The following PSMG2 variants were observed in gnomAD, a reference collection of about 807,000 sequenced individuals.
PSMG2 encodes proteasome assembly chaperone 2, also known as CD40 ligand-activated specific transcript 3.
A neutral mutation model predicts 31.5 loss-of-function variants in PSMG2; 21 were observed. The ratio of observed to expected loss-of-function variants is 0.67; its 90% confidence interval spans 0.47 to 0.96. The LOEUF is 0.96. Ranked by LOEUF, PSMG2 falls within the 40% of genes least tolerant of loss-of-function variation. The probability of loss-of-function intolerance (pLI) is 0.00; values close to 1 mark genes in which losing one functional copy is unlikely to be tolerated. For missense variants in PSMG2, 318 were observed against 321.2 expected (o/e 0.99, Z 0.08); for synonymous variants, 120 against 110.4 (o/e 1.09, Z -0.54).
chr18:12,670,744 C>G (rs2038921724), intron 1 of PSMG2: 1 of 150,754 alleles, frequency 6.6e-6, no homozygotes, highest in Non-Finnish European at 1.5e-5. Context: ...ATCTTTTGGG[C>G]TCAAGTGATT....
intron 2 of PSMG2, among the ~76,000 whole-genome samples, chr18:12,709,518 CAG>C (rs1035660967): frequency 4.5e-4 from 66 of 146,058 alleles, no homozygotes; most frequent in Middle Eastern, 7.1e-3. Context: ...TTTTTTTTGA[CAG>C]AGAGTTTTGC....
chr18:12,722,750 T>C (rs994879804), intron 5 of PSMG2, among the ~76,000 whole-genome samples: 5 of 152,234 alleles, frequency 3.3e-5, no homozygotes, highest in Non-Finnish European at 7.3e-5. Flanking sequence ...TCCTCTGCCT[T>C]TCTTTTTAGC....
At chr18:12,673,446 A>G (rs1170759915) in intron 1 of PSMG2, 1 of 1,595,490 alleles carries the variant, frequency 6.3e-7, no homozygotes, top group Non-Finnish European at 8.5e-7. Context: ...CTCGGACACG[A>G]ACTGCCAGTC....
At chr18:12,669,119 A>G (rs1225729106) in intron 1 of PSMG2, among the ~76,000 whole-genome samples, 2 of 113,200 alleles carry the variant, frequency 1.8e-5, no homozygotes, top group Admixed American at 1.8e-4. Flanking sequence ...GCTCACGGCA[A>G]CCTCTTTTTT....
intron 1 of PSMG2, chr18:12,691,297 T>C: frequency 9.5e-7 from 1 of 1,050,468 alleles, no homozygotes; most frequent in Non-Finnish European, 1.4e-6. Context: ...TAAATGAAAT[T>C]TACACACATA....
In PSMG2 at chr18:12,681,379, T is replaced by G. The variant is rs537936159; in HGVS notation, c.-37+22606T>G. Among the ~76,000 whole-genome samples the G allele has an allele frequency of 2.0e-5, 3 of 151,308 alleles. No homozygotes were observed. The South Asian group carries it at 6.3e-4, about 32-fold the overall frequency. ...TCCCCATCTCAGCCTCCCAAGTAGC[T>G]GGGACTAAAGGTGTGCACCATGACA... On this transcript the variant is annotated intron_variant, in intron 1 of 6. Coordinates refer to the PSMG2 transcript ENST00000585331.
At chr18:12,667,888 G>GTTTTTTTTTTTTT (rs2038837654) in intron 1 of PSMG2, among the ~76,000 whole-genome samples, 1 of 134,744 alleles carries the variant, frequency 7.4e-6, no homozygotes, top group African/African-American at 2.8e-5. Flanking sequence ...CAAGAAAGCA[G>GTTTTTTTTTTTTT]TAAGGGAGAA....
intron 4 of PSMG2, among the ~76,000 whole-genome samples, chr18:12,719,885 G>A (rs1286888815): frequency 2.0e-5 from 3 of 149,920 alleles, no homozygotes; most frequent in Non-Finnish European, 3.0e-5. Flanking sequence ...CACCACACCC[G>A]GCTAATTTTT....
upstream of PSMG2, chr18:12,702,452 C>G (rs547402660): frequency 1.2e-5 from 18 of 1,535,540 alleles, no homozygotes; most frequent in Middle Eastern, 3.7e-4. Context: ...TATGGGTCGG[C>G]CCGGCGGTCT....
At chr18:12,672,917 A>C (rs1174656098) in intron 1 of PSMG2, 1 of 984,642 alleles carries the variant, frequency 1.0e-6, no homozygotes, top group African/African-American at 1.7e-5. Flanking sequence ...CCAATGCAAT[A>C]AATAAATCTG....
intron 1 of PSMG2, among the ~76,000 whole-genome samples, chr18:12,671,704 A>C (rs940196073): frequency 1.5e-5 from 2 of 135,734 alleles, no homozygotes; most frequent in African/African-American, 2.8e-5. Flanking sequence ...GCTGGAATGC[A>C]GTGACGCGAT....
rs1270704603 is a variant in PSMG2, at chr18:12,691,389, G to A, written c.-36-15161G>A. 4 of 1,606,238 alleles carry A rather than the reference G, an allele frequency of 2.5e-6. No individual in the cohort carries two copies. The South Asian group carries it at 3.4e-5, about 13-fold the overall frequency. On this transcript the variant is annotated intron_variant, in intron 1 of 6. Transcript: ENST00000585331. The stretch of plus-strand genomic sequence containing the variant: ...CAAAAATCTTAACCAGTCGTGAGTT[G>A]TGTGAGGGTCGAATTTGCAAATATT...
intron 1 of PSMG2, chr18:12,678,034 TCA>T: frequency 2.5e-6 from 3 of 1,178,568 alleles, no homozygotes; most frequent in Non-Finnish European, 3.7e-6. Flanking sequence ...ACTGGCACTA[TCA>T]CACACACCAA....
At chr18:12,711,394 G>A (rs2040329921) in intron 2 of PSMG2, among the ~76,000 whole-genome samples, 1 of 152,118 alleles carries the variant, frequency 6.6e-6, no homozygotes, top group Non-Finnish European at 1.5e-5. Flanking sequence ...TTCAAACCTA[G>A]GTCAGTTGAA....
intron 2 of PSMG2, among the ~76,000 whole-genome samples, chr18:12,707,141 T>C (rs2040277052): frequency 6.6e-6 from 1 of 152,134 alleles, no homozygotes; most frequent in Non-Finnish European, 1.5e-5. Flanking sequence ...ATTTTTTTAG[T>C]AGAGACGGGG....
intron 2 of PSMG2, among the ~76,000 whole-genome samples, chr18:12,711,630 C>G (rs1178145310): frequency 6.6e-6 from 1 of 151,982 alleles, no homozygotes; most frequent in Non-Finnish European, 1.5e-5. Context: ...GAGACCTGAT[C>G]CACCAAAGGA....
intron 5 of PSMG2, among the ~76,000 whole-genome samples, chr18:12,722,603 T>C (rs1368104478): frequency 1.3e-5 from 2 of 152,178 alleles, no homozygotes; most frequent in African/African-American, 4.8e-5. Flanking sequence ...AAACAGAAAG[T>C]ATTATAAAAG....
intron 3 of PSMG2, among the ~76,000 whole-genome samples, chr18:12,717,930 A>G (rs1232301004): frequency 1.3e-5 from 2 of 152,028 alleles, no homozygotes; most frequent in African/African-American, 4.8e-5. Flanking sequence ...GAACTGGGAA[A>G]TTGTCCTTTG....
intron 1 of PSMG2, among the ~76,000 whole-genome samples, chr18:12,696,236 T>C (rs1042100551): frequency 4.6e-5 from 7 of 152,142 alleles, no homozygotes; most frequent in African/African-American, 1.7e-4. Flanking sequence ...CTGGGCGCGG[T>C]GACTCACGCC....
Sources: allele counts gnomAD v4.1 joint callset (sites outside exome capture counted in the v4.1 genomes callset), GRCh38; gene constraint gnomAD v4.1.1; transcripts MANE v1.5; gene names NCBI Gene and HGNC (gene_info 2026-07-23, HGNC 2026-07-21).